ODF2: variants seen among roughly 807,000 people sequenced by gnomAD.
The protein encoded by ODF2 is outer dense fiber of sperm tails 2.
A neutral mutation model predicts 110.2 loss-of-function variants in ODF2; 47 were observed. The observed-to-expected ratio is 0.43, with a 90% CI of 0.34 to 0.54. ODF2 has a LOEUF of 0.54. Among genes scored for constraint, ODF2 ranks in the 20% least tolerant of loss-of-function variants. The pLI is 0.03. For missense variants in ODF2, 812 were observed against 1,054.5 expected, an observed-to-expected ratio of 0.77 and a Z score of 3.19; for synonymous variants, 352 against 397.7, an observed-to-expected ratio of 0.89 and a Z score of 1.37.
At chr9:128,474,675 T>C (rs1049068953) in intron 8 of ODF2, among the ~76,000 whole-genome samples, 2 of 141,340 alleles carry the variant, frequency 1.4e-5, no homozygotes, top group Non-Finnish European at 3.1e-5. Context: ...AAAAAAAACA[T>C]GTCTGGGCCA....
exon 8 of ODF2, chr9:128,473,691 G>A (rs1460674590): frequency 6.2e-7 from 1 of 1,613,716 alleles, no homozygotes; most frequent in Non-Finnish European, 8.5e-7. Flanking sequence ...CACATTTGAG[G>A]AGACCAACCG....
chr9:128,488,103 TG>T (rs769787010), intron 14 of ODF2, 78 bp downstream of exon 14: 3 of 1,535,846 alleles, frequency 2.0e-6, no homozygotes, highest in Non-Finnish European at 2.7e-6. Flanking sequence ...TACGTGGGCC[TG>T]GGGGCATCTT....
At chr9:128,469,759 C>T (rs544073377) in intron 5 of ODF2, among the ~76,000 whole-genome samples, 5 of 151,120 alleles carry the variant, frequency 3.3e-5, no homozygotes, top group African/African-American at 1.2e-4. Flanking sequence ...CTTTGGGAGG[C>T]GGATCCCCTG....
intron 2 of ODF2, among the ~76,000 whole-genome samples, chr9:128,458,171 C>CA (rs1835437636): frequency 6.6e-6 from 1 of 152,074 alleles, no homozygotes; most frequent in South Asian, 2.1e-4. Flanking sequence ...CTTTGGGGGG[C>CA]CAGGTGCGGT....
chr9:128,473,711 A>G, exon 8 of ODF2: 1 of 1,613,784 alleles, frequency 6.2e-7, no homozygotes. Context: ...GCACCCTCCG[A>G]GACCTCCTGA....
chr9:128,462,787 G>T (rs1420291427), intron 4 of ODF2, among the ~76,000 whole-genome samples: 1 of 151,686 alleles, frequency 6.6e-6, no homozygotes, highest in African/African-American at 2.4e-5. Context: ...TAGAGACGGG[G>T]TTTCACCGTG....
At position 128,485,610 on chromosome 9, in the gene ODF2, G is replaced by T; in HGVS notation, c.1400+136G>T. The T allele has an allele frequency of 1.6e-6, 1 of 607,968 alleles. No homozygotes were observed. The highest frequency in any genetic ancestry group is 3.0e-6 in the Non-Finnish European group (1 of 335,476). The allele number at this position is 607,968 out of a possible 1,614,324, so 37.7% of individuals were successfully genotyped here. ...CGGGTTGGGGGCTGCACTGGGCTGT[G>T]ATGTGGGTAGCCCTGAGCTGGGCTT... On this transcript the variant is annotated intron_variant, in intron 13 of 20. Transcript: ENST00000604420. This position sits in a 1 kb window ranked among gnomAD's most constrained non-coding sequence, Gnocchi z 5.0.
exon 21 of ODF2, chr9:128,500,117 G>A: frequency 6.2e-7 from 1 of 1,614,264 alleles, no homozygotes; most frequent in South Asian, 1.1e-5. Flanking sequence ...ATCGCCTGGA[G>A]CAGTCCGAGA....
chr9:128,499,168 G>A, intron 20 of ODF2, 42 bp downstream of exon 20: 3 of 1,611,416 alleles, frequency 1.9e-6, no homozygotes, highest in Non-Finnish European at 2.5e-6. Context: ...GTGGGCAGCA[G>A]ACCTAGCTTC....
chr9:128,496,348 C>G, intron 18 of ODF2: 2 of 1,429,906 alleles, frequency 1.4e-6, no homozygotes, highest in Non-Finnish European at 1.9e-6. Context: ...GGGAGACACT[C>G]CATGACAGCA....
chr9:128,482,349 TGTTAA>T (rs1241834596), intron 9 of ODF2, among the ~76,000 whole-genome samples: 4 of 152,246 alleles, frequency 2.6e-5, no homozygotes, highest in Non-Finnish European at 5.9e-5. Context: ...CAAGAACCCT[TGTTAA>T]GTTATGATAT....
In ODF2 at chr9:128,465,896, T is replaced by C. The variant is rs141851544; in HGVS notation, c.250-3287T>C. 3.1e-3 allele frequency among the ~76,000 whole-genome samples: 470 copies of C among 152,256 alleles called. 3 individuals carry two copies. Among genetic ancestry groups the C allele is most frequent in the South Asian group, 0.02 (95 of 4,826 alleles). ...GGCTCACTCCTGTAATCCCAGCACT[T>C]TGGGAGGCCGAGGCAGGCAAATCAA... is the stretch of plus-strand genomic sequence containing the variant. On this transcript the variant is annotated intron_variant, in intron 4 of 20. Coordinates refer to ENST00000604420, the Ensembl canonical transcript of ODF2.
At chr9:128,469,322 T>G (rs2131681250) in exon 5 of ODF2, 2 of 1,614,172 alleles carry the variant, frequency 1.2e-6, no homozygotes, top group East Asian at 2.2e-5. Flanking sequence ...ATTGATAGTC[T>G]AATGAATGCG....
Position 128,473,757 on chromosome 9 carries a change from G to C in ODF2, c.843+16G>C. On this transcript the variant is annotated intron_variant, in intron 8 of 20. Transcript: ENST00000604420. Reference sequence around the variant, plus strand: ...CTGCAAAGAGGTGAGCTTGGGGCCTGGCTCTTTCCCTCCAGCTCTGCATGC... The same window carrying C: ...CTGCAAAGAGGTGAGCTTGGGGCCTCGCTCTTTCCCTCCAGCTCTGCATGC... 1 of 1,610,356 alleles carries C rather than the reference G, an allele frequency of 6.2e-7. No homozygotes were observed. The highest frequency in any genetic ancestry group is 8.5e-7 in the Non-Finnish European group (1 of 1,178,030).
At chr9:128,500,787 C>A (rs1358837096), downstream of ODF2, 1 of 152,996 alleles carries the variant, frequency 6.5e-6, no homozygotes, top group East Asian at 1.9e-4. Flanking sequence ...TTTGAGGCCA[C>A]TTGCCCCCAA....
chr9:128,476,901 A>G (rs1452401269), intron 8 of ODF2, among the ~76,000 whole-genome samples: 1 of 150,346 alleles, frequency 6.7e-6, no homozygotes, highest in Non-Finnish European at 1.5e-5. Context: ...AGCCTCCCAA[A>G]ATGCTGGGAT....
chr9:128,469,079 GTT>G, intron 4 of ODF2, 102 bp from the exon 5 acceptor site: 1 of 1,114,326 alleles, frequency 9.0e-7, no homozygotes, highest in Non-Finnish European at 1.3e-6. Context: ...CGAGTTAGCT[GTT>G]ACAGCTTTTC....
chr9:128,456,160 A>C, exon 1 of ODF2: 6 of 1,549,268 alleles, frequency 3.9e-6, no homozygotes, highest in Non-Finnish European at 5.2e-6. Flanking sequence ...CCAGAGCCAG[A>C]CTGCATCCGC....
intron 14 of ODF2, among the ~76,000 whole-genome samples, chr9:128,488,786 C>G (rs1471016522): frequency 6.6e-6 from 1 of 152,040 alleles, no homozygotes; most frequent in Non-Finnish European, 1.5e-5. Flanking sequence ...GGCGGATCAC[C>G]TGAGGTCAGG....
Sources: gnomAD v4.1 joint callset for allele counts (sites outside exome capture counted in the v4.1 genomes callset) on GRCh38, gnomAD v4.1.1 for gene constraint, Gnocchi (gnomAD v3.1) non-coding constraint, MANE v1.5 for transcripts, NCBI Gene and HGNC (gene_info 2026-07-23, HGNC 2026-07-21) for gene names.